KCTD15: variants seen among roughly 807,000 people sequenced by gnomAD.
KCTD15 encodes BTB/POZ domain-containing protein KCTD15.
A neutral mutation model predicts 27.2 loss-of-function variants in KCTD15; 11 were observed. The observed-to-expected ratio is 0.41, with a 90% CI of 0.25 to 0.67. The LOEUF is 0.67. KCTD15 is among the 30% of genes least tolerant of loss of function. KCTD15 has a pLI of 0.35. For synonymous variants in KCTD15, 163 were observed against 176.0 expected, an observed-to-expected ratio of 0.93 and a Z score of 0.58; for missense variants, 350 against 409.3, an observed-to-expected ratio of 0.86 and a Z score of 1.25.
intron 6 of KCTD15, chr19:33,812,067 G>C: frequency 7.2e-7 from 1 of 1,380,140 alleles, no homozygotes; most frequent in Non-Finnish European, 9.3e-7. Flanking sequence ...ACAGCTCTTC[G>C]CAGACCCAAG....
At position 33,797,283 on chromosome 19, in the gene KCTD15, TGCGCGCGCGC is replaced by T. The variant is rs757561501; in HGVS notation, c.-127+307_-127+316del. ...GTGTGTGTGTGTGTGTGTGTGTGTGTGCGCGCGCGCGCGCGCGCGCTTGTGGAGGTCCCCG... is the reference window on the plus strand; with the variant it reads ...GTGTGTGTGTGTGTGTGTGTGTGTGTGCGCGCGCGCTTGTGGAGGTCCCCG... On this transcript the variant is annotated intron_variant, in intron 1 of 6. Coordinates refer to ENST00000683859, the MANE Select transcript of KCTD15 (RefSeq NM_001129994.2). 16 of 120,742 alleles carry T rather than the reference TGCGCGCGCGC, an allele frequency of 1.3e-4. 2 individuals are homozygous for T. The highest frequency in any genetic ancestry group is 2.6e-4 in the South Asian group (4 of 15,478). The allele number at this position is 120,742 out of a possible 1,614,324, so 7.5% of individuals were successfully genotyped here.
chr19:33,805,305 G>A (rs968856986), intron 4 of KCTD15, among the ~76,000 whole-genome samples: 1 of 152,202 alleles, frequency 6.6e-6, no homozygotes, highest in Non-Finnish European at 1.5e-5. Flanking sequence ...GACCATCATG[G>A]CTGATGCATT....
rs771999733 is a variant in KCTD15, at chr19:33,806,984, C to T, written c.364C>T (p.Leu122=). The T allele has an allele frequency of 3.7e-6, 6 of 1,614,154 alleles. No homozygotes were observed. The highest frequency in any genetic ancestry group is 5.1e-6 in the Non-Finnish European group (6 of 1,180,036). ...CCTGAGCTTCCTGCGGACGTCCAAGCTGCTGCTTCCGGATGACTTTAAGGT... is the reference window on the plus strand; with the variant it reads ...CCTGAGCTTCCTGCGGACGTCCAAGTTGCTGCTTCCGGATGACTTTAAGGT... The part of the protein sequence containing the change: ...YVLSFLRTSK[L]LLPDDFKDFS... The change falls in exon 5 of 7, where the codon CTG becomes TTG. Residue 122 remains leucine (L), a synonymous_variant. Transcript: ENST00000683859.
At chr19:33,794,906 C>A (rs1413696132), upstream of KCTD15, among the ~76,000 whole-genome samples, 2 of 152,240 alleles carry the variant, frequency 1.3e-5, no homozygotes, top group African/African-American at 4.8e-5. Context: ...GTGCCGAACG[C>A]GCAGAGAGCG....
intron 5 of KCTD15, among the ~76,000 whole-genome samples, chr19:33,810,748 C>G (rs1421805901): frequency 6.6e-6 from 1 of 151,800 alleles, no homozygotes; most frequent in Non-Finnish European, 1.5e-5. Flanking sequence ...GTTTAGAGGT[C>G]TCAGGGCAGG....
At chr19:33,802,585 G>T (rs1975592941) in intron 4 of KCTD15, among the ~76,000 whole-genome samples, 1 of 152,174 alleles carries the variant, frequency 6.6e-6, no homozygotes, top group Non-Finnish European at 1.5e-5. Flanking sequence ...GGTGGACAGA[G>T]ACTCAGCCTG....
chr19:33,794,876 C>T (rs1165896352), upstream of KCTD15, among the ~76,000 whole-genome samples: 1 of 152,248 alleles, frequency 6.6e-6, no homozygotes, highest in Admixed American at 6.5e-5. Context: ...ACCTCTCGGG[C>T]CGGGCCGGGC....
chr19:33,799,213 C>CG (rs1292454177), intron 2 of KCTD15, among the ~76,000 whole-genome samples: 2 of 152,150 alleles, frequency 1.3e-5, no homozygotes, highest in African/African-American at 4.8e-5. Context: ...GAAACTTGCC[C>CG]GGGCACTCAG....
intron 5 of KCTD15, 71 bp downstream of exon 5, chr19:33,807,078 A>G (rs1975736088): frequency 1.3e-6 from 2 of 1,496,946 alleles, no homozygotes; most frequent in South Asian, 2.5e-5. Context: ...CTGTGACTTA[A>G]TAAGTGGACC....
intron 4 of KCTD15, among the ~76,000 whole-genome samples, chr19:33,802,359 A>G (rs997534966): frequency 6.6e-6 from 1 of 152,186 alleles, no homozygotes; most frequent in African/African-American, 2.4e-5. Context: ...TCTGGGGAGC[A>G]TACACGGCAG....
intron 1 of KCTD15, chr19:33,797,277 TGTGTGTGCGCGC>T (rs757873122): frequency 0.018 from 4,200 of 230,640 alleles, 253 homozygotes; most frequent in Middle Eastern, 0.037. Flanking sequence ...TGTGTGTGTG[TGTGTGTGCGCGC>T]GCGCGCGCGC....
chr19:33,808,537 T>C (rs1975781929), intron 5 of KCTD15, among the ~76,000 whole-genome samples: 1 of 152,016 alleles, frequency 6.6e-6, no homozygotes, highest in African/African-American at 2.4e-5. Flanking sequence ...TGGAGCTTTA[T>C]GGACTGGGAG....
chr19:33,796,920 CCCGGCGCCCGAGACCGGCAGCTGCGT>C lies in KCTD15; in HGVS notation c.-193_-168del, dbSNP rs1411237988. ...AGCGAGCATAGGCGGCGAAGCTGCG[CCCGGCGCCCGAGACCGGCAGCTGCGT>C]GGGGCGGGGGCTGCGCCCGAGCCCG... On this transcript the variant is annotated 5_prime_UTR_variant, in exon 1 of 7. Transcript: ENST00000683859. 6.6e-6 allele frequency: 1 copy of C among 152,020 alleles called. No homozygotes were observed. The highest frequency in any genetic ancestry group is 1.5e-5 in the Non-Finnish European group (1 of 68,040). 9.4% of individuals were successfully genotyped at this position (152,020 alleles called of 1,614,324 possible).
intron 5 of KCTD15, among the ~76,000 whole-genome samples, chr19:33,807,575 A>G (rs777361140): frequency 6.6e-5 from 10 of 152,138 alleles, no homozygotes; most frequent in Non-Finnish European, 1.3e-4. Context: ...TAGAAAAATT[A>G]GCCAGGCGTG....
upstream of KCTD15, among the ~76,000 whole-genome samples, chr19:33,795,053 T>C (rs569761399): frequency 6.6e-6 from 1 of 152,356 alleles, no homozygotes; most frequent in East Asian, 1.9e-4. Flanking sequence ...GGCTTCTTTC[T>C]GTTCCAGGAG....
At chr19:33,805,216 C>T (rs919847993) in intron 4 of KCTD15, among the ~76,000 whole-genome samples, 4 of 152,172 alleles carry the variant, frequency 2.6e-5, no homozygotes, top group African/African-American at 9.7e-5. Context: ...GCCACGGTGC[C>T]CAGCTAAACC....
At chr19:33,796,675 G>T (rs1182077715), upstream of KCTD15, 3 of 151,238 alleles carry the variant, frequency 2.0e-5, no homozygotes, top group South Asian at 3.6e-4. Context: ...TGGGAGCGGC[G>T]GGAGGGCAGC....
rs753040500 is a variant in KCTD15, at chr19:33,815,640, G to A, written c.*2692G>A. 1 of 151,422 alleles carries A rather than the reference G, an allele frequency of 6.6e-6. No homozygotes were observed. The highest frequency in any genetic ancestry group is 2.4e-5 in the African/African-American group (1 of 41,136). The allele number at this position is 151,422 out of a possible 1,614,324, so 9.4% of individuals were successfully genotyped here. A position where few individuals can be genotyped will look rare whatever the true frequency, so the allele number is the denominator to read the frequency against. ...GGTCTCAGCCACCGTCCCGCTCACA[G>A]GGGCCCAATGCCAGGTCACAACACT... On this transcript the variant is annotated 3_prime_UTR_variant, in exon 7 of 7. Transcript: ENST00000683859.
Position 33,811,352 on chromosome 19 carries a change from G to T in KCTD15, c.493G>T (p.Ala165Ser), listed in dbSNP as rs759345292. 3.8e-6 allele frequency: 6 copies of T among 1,570,012 alleles called. No individual in the cohort carries two copies. Among genetic ancestry groups the T allele is most frequent in the Non-Finnish European group, 5.2e-6 (6 of 1,158,094 alleles). The stretch of plus-strand genomic sequence containing the variant: ...GCAGGAGCAGCGGCGCCGCAGCCGG[G>T]CCTGTGACTGCCTGGTGGTGCGCGT... ...QEQEQRRRSR[A>S]CDCLVVRVTP... The change falls in exon 6 of 7, where the codon GCC (alanine) becomes TCC (serine). Residue 165 changes from alanine (A) to serine (S), a missense_variant. Around this residue, in one of 3 missense-constraint regions of KCTD15, gnomAD observed 219 missense variants for 234.9 expected, o/e 0.93. Coordinates refer to ENST00000683859, the MANE Select transcript of KCTD15 (RefSeq NM_001129994.2).
Sources: gnomAD v4.1 joint callset for allele counts (sites outside exome capture counted in the v4.1 genomes callset) on GRCh38, gnomAD v4.1.1 for gene constraint, gnomAD v4.1.1 regional missense constraint, MANE v1.5 for transcripts, NCBI Gene and HGNC (gene_info 2026-07-23, HGNC 2026-07-21) for gene names.